DOCK2: variants seen among roughly 807,000 people sequenced by gnomAD.
The protein encoded by DOCK2 is dedicator of cytokinesis 2, also known as dedicator of cytokinesis protein 2.
Under a neutral mutation model 248.9 loss-of-function variants are expected in DOCK2, and 87 were observed. The ratio of observed to expected loss-of-function variants is 0.35; its 90% CI spans 0.29 to 0.42. The LOEUF (loss-of-function observed/expected upper bound fraction) is 0.42. DOCK2 is among the 10% of genes least tolerant of loss of function. The probability of loss-of-function intolerance (pLI) is 1.00; values close to 1 mark genes in which losing one functional copy is unlikely to be tolerated. For missense variants in DOCK2, 1,747 were observed against 2,300.2 expected (o/e 0.76, Z 4.92); for synonymous variants, 805 against 821.6 (o/e 0.98, Z 0.35).
In DOCK2 at chr5:170,045,884, T is replaced by C. The variant is rs34133853; in HGVS notation, c.3945T>C (p.Tyr1315=). 1.7e-3 allele frequency: 2,806 copies of C among 1,614,150 alleles called. 49 individuals carry two copies. The African/African-American group carries it at 0.034, about 19-fold the overall frequency. ...AEQYEMEIFD[Y]ELLSQNLIQQ... ...AGTACGAGATGGAGATCTTTGACTATGAGCTGCTCAGCCAGAACCTGGTAA... is the reference window on the plus strand; with the variant it reads ...AGTACGAGATGGAGATCTTTGACTACGAGCTGCTCAGCCAGAACCTGGTAA... The change falls in exon 39 of 52, where the codon TAT becomes TAC. Residue 1315 remains tyrosine (Y), a synonymous_variant. Coordinates refer to ENST00000520908, the MANE Select transcript of DOCK2 (RefSeq NM_004946.3).
chr5:169,797,192 G>C (rs1365451918), intron 25 of DOCK2, among the ~76,000 whole-genome samples: 1 of 152,206 alleles, frequency 6.6e-6, no homozygotes, highest in East Asian at 1.9e-4. Context: ...TTGAGAGACA[G>C]CAAAGGAGAA....
chr5:169,747,260 A>G, intron 22 of DOCK2, 136 bp from the exon 23 acceptor site: 3 of 683,620 alleles, frequency 4.4e-6, no homozygotes, highest in South Asian at 2.1e-5. Context: ...CAGCATCTGC[A>G]GAATCCTCTC....
At chr5:169,805,931 G>C (rs1767329265) in intron 26 of DOCK2, among the ~76,000 whole-genome samples, 1 of 152,140 alleles carries the variant, frequency 6.6e-6, no homozygotes, top group African/African-American at 2.4e-5. Context: ...CTCCGGGTGA[G>C]CAACTGTCTT....
intron 13 of DOCK2, among the ~76,000 whole-genome samples, chr5:169,701,533 G>A (rs1043180548): frequency 2.6e-5 from 4 of 151,314 alleles, no homozygotes; most frequent in Admixed American, 6.6e-5. Context: ...TTTGAGATGG[G>A]GTTTAGCTCT....
chr5:169,703,979 C>T (rs1013899197), intron 14 of DOCK2: 1 of 152,188 alleles, frequency 6.6e-6, no homozygotes, highest in Non-Finnish European at 1.5e-5. Flanking sequence ...AAGCAGCCAT[C>T]TTATCTCCTG....
At chr5:169,777,439 G>C (rs1373640911) in intron 25 of DOCK2, among the ~76,000 whole-genome samples, 3 of 152,186 alleles carry the variant, frequency 2.0e-5, no homozygotes, top group Non-Finnish European at 4.4e-5. Context: ...CACCATCCAG[G>C]CTGGAGAGAC....
chr5:170,054,995 A>G (rs979236570), intron 41 of DOCK2, among the ~76,000 whole-genome samples: 1 of 152,234 alleles, frequency 6.6e-6, no homozygotes, highest in Non-Finnish European at 1.5e-5. Context: ...AATTGATTTG[A>G]GAGCTATAAA....
intron 1 of DOCK2, among the ~76,000 whole-genome samples, chr5:169,641,747 A>G (rs924274969): frequency 4.6e-5 from 7 of 152,054 alleles, no homozygotes; most frequent in African/African-American, 1.7e-4. Context: ...CCTCCCTCTG[A>G]TTGCATTGTT....
intron 46 of DOCK2, among the ~76,000 whole-genome samples, chr5:170,069,482 A>T (rs1159737538): frequency 6.6e-6 from 1 of 152,140 alleles, no homozygotes; most frequent in Non-Finnish European, 1.5e-5. Flanking sequence ...ATCTTATTTG[A>T]TGTTGAATTC....
At chr5:169,681,603 T>C (rs2113354488) in intron 6 of DOCK2, 141 bp from the exon 7 acceptor site, 1 of 973,402 alleles carries the variant, frequency 1.0e-6, no homozygotes, top group Admixed American at 2.4e-5. Flanking sequence ...TCACTAGCAG[T>C]GTCCCAGGCT....
chr5:169,988,262 A>G (rs1479184166), intron 29 of DOCK2, among the ~76,000 whole-genome samples: 1 of 152,182 alleles, frequency 6.6e-6, no homozygotes, highest in East Asian at 1.9e-4. Flanking sequence ...TTTGTATATT[A>G]TAATAGCTAA....
chr5:169,783,706 T>C (rs2113810692), intron 25 of DOCK2, among the ~76,000 whole-genome samples: 1 of 152,258 alleles, frequency 6.6e-6, no homozygotes, highest in Middle Eastern at 3.4e-3. Flanking sequence ...GGAGAAAGGG[T>C]GTTCATATAT....
intron 25 of DOCK2, among the ~76,000 whole-genome samples, chr5:169,776,382 C>G (rs1765385550): frequency 6.6e-6 from 1 of 151,926 alleles, no homozygotes; most frequent in East Asian, 1.9e-4. Flanking sequence ...CCAGGCTGGT[C>G]TTGAATTCCT....
chr5:169,810,063 C>G (rs573015453), intron 26 of DOCK2, among the ~76,000 whole-genome samples: 12 of 152,120 alleles, frequency 7.9e-5, no homozygotes, highest in Non-Finnish European at 1.2e-4. Flanking sequence ...TGCTCTACCC[C>G]CCGCCCACCC....
chr5:169,958,096 A>G (rs1398560019), intron 27 of DOCK2, among the ~76,000 whole-genome samples: 1 of 152,208 alleles, frequency 6.6e-6, no homozygotes, highest in East Asian at 1.9e-4. Context: ...ACATGAGTGC[A>G]AGTGTGAAAC....
At chr5:169,683,021 G>T (rs75800305) in intron 7 of DOCK2, among the ~76,000 whole-genome samples, 1 of 152,282 alleles carries the variant, frequency 6.6e-6, no homozygotes, top group African/African-American at 2.4e-5. Context: ...ATGGTATATA[G>T]CATTGACCAA....
At chr5:169,759,997 G>A (rs1365599564) in intron 24 of DOCK2, among the ~76,000 whole-genome samples, 1 of 152,094 alleles carries the variant, frequency 6.6e-6, no homozygotes, top group African/African-American at 2.4e-5. Context: ...ATCCCTCTTT[G>A]ATGATATGAA....
chr5:170,036,026 C>T (rs945545391), intron 35 of DOCK2, among the ~76,000 whole-genome samples: 3 of 152,092 alleles, frequency 2.0e-5, no homozygotes, highest in African/African-American at 7.2e-5. Context: ...AATGTTTTGG[C>T]GACAGAATCC....
intron 14 of DOCK2, among the ~76,000 whole-genome samples, chr5:169,702,838 T>A (rs1363627): frequency 1.3e-5 from 2 of 151,894 alleles, no homozygotes; most frequent in African/African-American, 2.4e-5. Context: ...TGCCTTGGGC[T>A]GGTGTGGAGG....
Sources: gnomAD v4.1 joint callset for allele counts (sites outside exome capture counted in the v4.1 genomes callset) on GRCh38, gnomAD v4.1.1 for gene constraint, MANE v1.5 for transcripts, NCBI Gene and HGNC (gene_info 2026-07-23, HGNC 2026-07-21) for gene names.